Variants in TRIM33 observed in about 807,000 individuals in gnomAD.
TRIM33 encodes the protein E3 ubiquitin-protein ligase TRIM33.
In TRIM33, 20 loss-of-function variants were observed where a neutral mutation model predicts 125.4. That is an observed-to-expected ratio of 0.16 (90% confidence interval 0.11 to 0.23). TRIM33 has a LOEUF of 0.23. Ranked by LOEUF, TRIM33 falls within the 10% of genes least tolerant of loss-of-function variation. The pLI is 1.00. For missense variants in TRIM33, 920 were observed against 1,411.4 expected, an observed-to-expected ratio of 0.65 and a Z score of 5.58; for synonymous variants, 564 against 513.9, an observed-to-expected ratio of 1.10 and a Z score of -1.32.
chr1:114,509,997 C>T (rs1048346327), intron 1 of TRIM33, among the ~76,000 whole-genome samples: 1 of 152,256 alleles, frequency 6.6e-6, no homozygotes, highest in South Asian at 2.1e-4. Flanking sequence ...GTTTCTCTTT[C>T]CCCATGTCAT....
At chr1:114,455,267 T>C (rs1298146144) in intron 4 of TRIM33, among the ~76,000 whole-genome samples, 1 of 152,140 alleles carries the variant, frequency 6.6e-6, no homozygotes, top group Non-Finnish European at 1.5e-5. Context: ...AATGCCAAAT[T>C]GAACTCCCCA....
intron 1 of TRIM33, among the ~76,000 whole-genome samples, chr1:114,477,306 C>T (rs1421682058): frequency 6.8e-6 from 1 of 147,828 alleles, no homozygotes; most frequent in Non-Finnish European, 1.5e-5. Context: ...AATCATTTAC[C>T]AAAATATTAA....
At chr1:114,471,309 C>T (rs774730492) in intron 1 of TRIM33, among the ~76,000 whole-genome samples, 10 of 151,954 alleles carry the variant, frequency 6.6e-5, no homozygotes, top group Non-Finnish European at 1.3e-4. Flanking sequence ...GGTGTGGTGG[C>T]GTGCACCTCT....
At chr1:114,414,987 C>CTTTTTTTTTTTTTTTTTTTTTTT (rs1232374980) in intron 11 of TRIM33, among the ~76,000 whole-genome samples, 1 of 108,208 alleles carries the variant, frequency 9.2e-6, no homozygotes. Flanking sequence ...GAGGTAGATT[C>CTTTTTTTTTTTTTTTTTTTTTTT]TATTTTTTTT....
intron 1 of TRIM33, among the ~76,000 whole-genome samples, chr1:114,477,630 TA>T (rs1651056076): frequency 6.6e-6 from 1 of 152,216 alleles, no homozygotes; most frequent in South Asian, 2.1e-4. Flanking sequence ...TGTAAGCTAT[TA>T]TTACAAGTTA....
intron 1 of TRIM33, among the ~76,000 whole-genome samples, chr1:114,487,626 G>A (rs549300372): frequency 1.1e-4 from 16 of 152,000 alleles, no homozygotes; most frequent in African/African-American, 1.7e-4. Flanking sequence ...GGCCGGGCGC[G>A]GTGGCTCACG....
At chr1:114,398,920 ACAAAAC>A (rs1651709184) in intron 18 of TRIM33, among the ~76,000 whole-genome samples, 1 of 147,126 alleles carries the variant, frequency 6.8e-6, no homozygotes, top group African/African-American at 2.5e-5. Context: ...AAAAAACAAA[ACAAAAC>A]AAAACAAAAA....
intron 11 of TRIM33, among the ~76,000 whole-genome samples, chr1:114,418,828 G>A (rs1246854756): frequency 6.6e-6 from 1 of 151,834 alleles, no homozygotes; most frequent in Non-Finnish European, 1.5e-5. Context: ...CAATTAAGGG[G>A]GATTTTCCCA....
chr1:114,396,788 T>A lies in TRIM33; in HGVS notation c.*860A>T, dbSNP rs1043887739. ...GAAGGAAGACTGGAAAAGAGCCAGT[T>A]GTCACCTTCTCAAATTTAAATGTAC... On this transcript the variant is annotated 3_prime_UTR_variant, in exon 20 of 20. Coordinates refer to ENST00000358465, the MANE Select transcript of TRIM33 (RefSeq NM_015906.4). 5.3e-5 allele frequency: 11 copies of A among 208,900 alleles called. No homozygotes were observed. The highest frequency in any genetic ancestry group is 2.5e-4 in the African/African-American group (11 of 44,014). The allele number at this position is 208,900 out of a possible 1,614,324, so 12.9% of individuals were successfully genotyped here.
At chr1:114,434,423 C>T (rs980440810) in intron 4 of TRIM33, among the ~76,000 whole-genome samples, 4 of 152,146 alleles carry the variant, frequency 2.6e-5, no homozygotes, top group African/African-American at 9.7e-5. Context: ...GTTCTGGATG[C>T]CATGTACTGT....
rs573743202 is a variant in TRIM33 at position 114,474,904 on chromosome 1, AAAC to A, written c.527-10519_527-10517del. On this transcript the variant is annotated intron_variant, in intron 1 of 19. Coordinates refer to ENST00000358465, the MANE Select transcript of TRIM33 (RefSeq NM_015906.4). ...CGAAAACTCTATCTCAAAAAAAAAA[AAAC>A]AAGCAGGAGTGGCTATTCTAATATC... Among the ~76,000 whole-genome samples the A allele has an allele frequency of 2.1e-3, 326 of 152,016 alleles. 1 individual carries two copies. The highest frequency in any genetic ancestry group is 7.4e-3 in the African/African-American group (305 of 41,442).
intron 1 of TRIM33, chr1:114,468,678 G>T: frequency 2.3e-6 from 1 of 440,972 alleles, no homozygotes; most frequent in Non-Finnish European, 4.5e-6. Flanking sequence ...TATTATGCTT[G>T]GCAATAAAAA....
chr1:114,417,267 G>A (rs965676681), intron 11 of TRIM33, among the ~76,000 whole-genome samples: 1 of 152,130 alleles, frequency 6.6e-6, no homozygotes, highest in African/African-American at 2.4e-5. Flanking sequence ...TCTTGAATTA[G>A]TGGTAATGGT....
rs761467149 is a variant in TRIM33, at chr1:114,401,382, A to C, written c.2967+7T>G. On this transcript the variant is annotated splice_region_variant and intron_variant, in intron 17 of 19. Coordinates refer to ENST00000358465, the MANE Select transcript of TRIM33 (RefSeq NM_015906.4). ...TCCCCACCGAGCTACTAAGGTAGGC[A>C]ACTCACCGAAGCAGGAACAGGCTCC... 45 of 1,611,576 alleles carry C rather than the reference A, an allele frequency of 2.8e-5. 1 individual carries two copies. Among genetic ancestry groups the C allele is most frequent in the Non-Finnish European group, 3.7e-5 (44 of 1,178,430 alleles).
intron 9 of TRIM33, 134 bp from the exon 10 acceptor site, chr1:114,424,889 T>A: frequency 1.6e-6 from 1 of 630,000 alleles, no homozygotes; most frequent in East Asian, 3.1e-5. Flanking sequence ...TTCTTATCGC[T>A]AGCCCCAATC....
chr1:114,474,578 T>TAA (rs34473575), intron 1 of TRIM33, among the ~76,000 whole-genome samples: 10,126 of 78,762 alleles, frequency 0.13, 902 homozygotes, highest in African/African-American at 0.25. Flanking sequence ...TGTCTCTATT[T>TAA]AAAAAAAAAA....
intron 1 of TRIM33, among the ~76,000 whole-genome samples, chr1:114,485,453 G>C (rs1399323235): frequency 6.6e-6 from 1 of 152,136 alleles, no homozygotes; most frequent in Non-Finnish European, 1.5e-5. Context: ...TAAAATCCAA[G>C]TGGAAAGCTG....
At chr1:114,420,304 G>T in intron 11 of TRIM33, 2 of 746,390 alleles carry the variant, frequency 2.7e-6, no homozygotes, top group Non-Finnish European at 4.2e-6. Context: ...TACTATCTTG[G>T]CCTTCTAACC....
chr1:114,417,742 TC>T (rs559056007), intron 11 of TRIM33, among the ~76,000 whole-genome samples: 370 of 152,292 alleles, frequency 2.4e-3, no homozygotes, highest in Non-Finnish European at 4.0e-3. Flanking sequence ...CACTGGAACC[TC>T]CACCTCCCAG....
Sources: gnomAD v4.1 joint callset for allele counts (sites outside exome capture counted in the v4.1 genomes callset) on GRCh38, gnomAD v4.1.1 for gene constraint, MANE v1.5 for transcripts, NCBI Gene and HGNC (gene_info 2026-07-23, HGNC 2026-07-21) for gene names.